The following RABL3 variants were observed in gnomAD, a reference collection of about 807,000 sequenced individuals.
RABL3 encodes the protein rab-like protein 3.
In RABL3, 31 loss-of-function variants were observed where a neutral mutation model predicts 31.8. The ratio of observed to expected loss-of-function variants is 0.97; its 90% CI spans 0.73 to 1.31. The LOEUF (loss-of-function observed/expected upper bound fraction) is 1.31, where lower values mean the gene tolerates loss of function less well. Ranked by LOEUF, RABL3 falls within the 40% of genes most tolerant of loss-of-function variation. RABL3 has a pLI of 0.00. For missense variants in RABL3, 263 were observed against 279.6 expected (o/e 0.94, Z 0.42); for synonymous variants, 97 against 99.9 (o/e 0.97, Z 0.18).
At chr3:120,720,629 T>G (rs1417741077) in intron 2 of RABL3, among the ~76,000 whole-genome samples, 3 of 152,046 alleles carry the variant, frequency 2.0e-5, no homozygotes, top group African/African-American at 7.2e-5. Flanking sequence ...AAGATAATTT[T>G]AGAGAAAAAA....
At chr3:120,738,563 C>G (rs983671024) in intron 1 of RABL3, 1 of 153,642 alleles carries the variant, frequency 6.5e-6, no homozygotes, top group East Asian at 1.9e-4. Flanking sequence ...TCTTCTGCGT[C>G]GCTCACGCTG....
chr3:120,694,255 A>C (rs767351808), intron 5 of RABL3, 31 bp from the exon 6 acceptor site: 1 of 1,505,354 alleles, frequency 6.6e-7, no homozygotes, highest in East Asian at 2.3e-5. Flanking sequence ...TCCACAATTG[A>C]AAGTTAGGAA....
rs149434929 is a variant in RABL3 at position 120,740,707 on chromosome 3, C to T, written c.46+1755G>A. Among the ~76,000 whole-genome samples the T allele has an allele frequency of 6.4e-3, 967 of 152,184 alleles. 4 individuals carry two copies. Among genetic ancestry groups the T allele is most frequent in the Non-Finnish European group, 0.01 (688 of 68,010 alleles). ...ACTGTCAGACTGTGTACTTTTAAAT[C>T]GCAGTTAAAAGGAGACTGACAAAAT... is the stretch of plus-strand genomic sequence containing the variant. On this transcript the variant is annotated intron_variant, in intron 1 of 7. Coordinates refer to ENST00000273375, the MANE Select transcript of RABL3 (RefSeq NM_173825.5).
chr3:120,701,281 TTATTCAATG>T (rs1435693579), intron 4 of RABL3, among the ~76,000 whole-genome samples: 4 of 152,202 alleles, frequency 2.6e-5, no homozygotes, highest in Non-Finnish European at 5.9e-5. Flanking sequence ...ATGCCATTAT[TTATTCAATG>T]AATCTTTCGT....
At chr3:120,690,004 C>T (rs1306833925) in intron 7 of RABL3, 116 bp from the exon 8 acceptor site, 2 of 771,970 alleles carry the variant, frequency 2.6e-6, no homozygotes, top group Middle Eastern at 3.2e-4. Context: ...CTTAAAAAAA[C>T]AACTTTCTGA....
At chr3:120,716,557 T>C (rs2107586323) in intron 2 of RABL3, among the ~76,000 whole-genome samples, 1 of 151,934 alleles carries the variant, frequency 6.6e-6, no homozygotes, top group Admixed American at 6.5e-5. Context: ...ATGGCACATG[T>C]ATACATATGT....
intron 6 of RABL3, among the ~76,000 whole-genome samples, chr3:120,691,582 G>A (rs1251556012): frequency 1.3e-5 from 2 of 152,160 alleles, no homozygotes; most frequent in Admixed American, 6.5e-5. Flanking sequence ...GCTAAGCTGC[G>A]ATGCTTGGTA....
rs1018298610 is a variant in RABL3, at chr3:120,686,449, T to G, written c.*3374A>C. 2.0e-5 allele frequency among the ~76,000 whole-genome samples: 3 copies of G among 150,872 alleles called. 1 individual carries two copies. The highest frequency in any genetic ancestry group is 4.3e-4 in the South Asian group (2 of 4,702). ...GCTCTTCACCTCAGTCTGATGTCCC[T>G]GCACATCATTTCCATGAAGTCCATG... is the stretch of plus-strand genomic sequence containing the variant. On this transcript the variant is annotated 3_prime_UTR_variant, in exon 8 of 8. Transcript: ENST00000273375.
At chr3:120,721,978 C>T (rs572829639) in intron 2 of RABL3, 2 of 152,184 alleles carry the variant, frequency 1.3e-5, no homozygotes, top group Non-Finnish European at 1.5e-5. Flanking sequence ...AACAAACTGT[C>T]TCTCAGACCA....
intron 2 of RABL3, among the ~76,000 whole-genome samples, chr3:120,719,770 G>T (rs1336027165): frequency 1.3e-5 from 2 of 152,192 alleles, no homozygotes; most frequent in Non-Finnish European, 2.9e-5. Flanking sequence ...TCCACCTCTG[G>T]GGGCAGGGCA....
intron 5 of RABL3, among the ~76,000 whole-genome samples, chr3:120,694,794 T>C (rs959948696): frequency 6.6e-6 from 1 of 152,042 alleles, no homozygotes; most frequent in Admixed American, 6.6e-5. Flanking sequence ...GTAATAAACA[T>C]CTACTACTAT....
chr3:120,711,577 A>G (rs1708613166), intron 2 of RABL3, among the ~76,000 whole-genome samples: 1 of 151,994 alleles, frequency 6.6e-6, no homozygotes, highest in Admixed American at 6.6e-5. Flanking sequence ...CCCTCCAATG[A>G]CTTTCTCACT....
intron 6 of RABL3, 140 bp from the exon 7 acceptor site, chr3:120,690,627 C>T: frequency 1.8e-6 from 1 of 564,604 alleles, no homozygotes; most frequent in Non-Finnish European, 3.2e-6. Flanking sequence ...GTACAGTCAG[C>T]TAAAAATCTG....
chr3:120,693,951 A>G (rs1358138225), intron 6 of RABL3, among the ~76,000 whole-genome samples: 2 of 152,174 alleles, frequency 1.3e-5, no homozygotes, highest in Non-Finnish European at 2.9e-5. Flanking sequence ...TTTGCCCTTT[A>G]CTTAGAGAAC....
intron 5 of RABL3, among the ~76,000 whole-genome samples, chr3:120,696,694 TA>T (rs1197226669): frequency 1.3e-5 from 2 of 151,936 alleles, no homozygotes; most frequent in Non-Finnish European, 2.9e-5. Flanking sequence ...TATATTAAAG[TA>T]AGCGCTGAAA....
At chr3:120,736,291 T>C (rs918069364) in intron 1 of RABL3, among the ~76,000 whole-genome samples, 38 of 152,342 alleles carry the variant, frequency 2.5e-4, no homozygotes, top group Non-Finnish European at 4.3e-4. Flanking sequence ...CCCTTTACCA[T>C]TATGTAATGG....
chr3:120,721,729 G>A (rs1708744523), intron 2 of RABL3, among the ~76,000 whole-genome samples: 2 of 152,104 alleles, frequency 1.3e-5, no homozygotes, highest in Admixed American at 6.6e-5. Context: ...AATAATAATG[G>A]GAGACTTTAA....
chr3:120,689,988 C>A (rs541794984), intron 7 of RABL3, 100 bp from the exon 8 acceptor site: 1 of 911,252 alleles, frequency 1.1e-6, no homozygotes. Context: ...TGTCAGCCTG[C>A]TGTTTCTTAA....
At chr3:120,736,757 G>C (rs565948744) in intron 1 of RABL3, among the ~76,000 whole-genome samples, 44 of 152,250 alleles carry the variant, frequency 2.9e-4, no homozygotes, top group African/African-American at 9.4e-4. Context: ...GCATTTGCTT[G>C]TCTGTCAAGT....
Sources: gnomAD v4.1 joint callset for allele counts (sites outside exome capture counted in the v4.1 genomes callset) on GRCh38, gnomAD v4.1.1 for gene constraint, MANE v1.5 for transcripts, NCBI Gene and HGNC (gene_info 2026-07-23, HGNC 2026-07-21) for gene names.